Variants in PCDHB16 observed in about 807,000 individuals in gnomAD.
The protein encoded by PCDHB16 is protocadherin beta-16.
For synonymous variants in PCDHB16, 444 were observed against 436.5 expected (o/e 1.02, Z -0.21); for missense variants, 1,026 against 989.9 (o/e 1.04, Z -0.49).
rs782450382 is a variant in PCDHB16, at chr5:141,184,458, C to G, written c.1899C>G (p.Arg633=). Residue 633 remains arginine (R), a synonymous_variant, in exon 1 of 1, where the codon CGC becomes CGG. Transcript: ENST00000609684. ...GCACCGCCAGGCTGCTGAGCGAGCG[C>G]GACGCAGCCAAGCAGAGGCTGGTGG... ...EVRTARLLSE[R]DAAKQRLVVL... The G allele has an allele frequency of 1.9e-6, 3 of 1,607,792 alleles. No homozygotes were observed. The highest frequency in any genetic ancestry group is 2.2e-4 in the Middle Eastern group (1 of 4,516).
rs200413005 is a variant in PCDHB16, at chr5:141,184,390, G to A, written c.1831G>A (p.Glu611Lys). Residue 611 changes from glutamate to lysine, a missense_variant, in exon 1 of 1, where the codon GAG becomes AAG. Transcript: ENST00000609684. ...WLSYQLLKAT[E>K]PGLFGVWAHN... ...GTCGTACCAGCTGCTCAAGGCCACG[G>A]AGCCCGGGCTGTTCGGTGTGTGGGC... The A allele has an allele frequency of 2.1e-4, 337 of 1,605,894 alleles. 2 individuals are homozygous for A. The highest frequency in any genetic ancestry group is 2.7e-4 in the Non-Finnish European group (315 of 1,179,422).
rs782420698 is a variant in PCDHB16 at position 141,184,925 on chromosome 5, T to G, written c.*35T>G. Reference sequence around the variant, plus strand: ...AAAGAAATAGATTAAAATTCCACCCTTCACAATAGCTTTGGATTTAATTAT... The same window carrying G: ...AAAGAAATAGATTAAAATTCCACCCGTCACAATAGCTTTGGATTTAATTAT... On this transcript the variant is annotated 3_prime_UTR_variant, in exon 1 of 1. Coordinates refer to ENST00000609684, the MANE Select transcript of PCDHB16 (RefSeq NM_020957.4). The G allele has an allele frequency of 6.3e-7, 1 of 1,598,804 alleles. No homozygotes were observed. The highest frequency in any genetic ancestry group is 1.8e-5 in the Admixed American group (1 of 56,994).
At position 141,183,778 on chromosome 5, in the gene PCDHB16, A is replaced by C. The variant is rs1554282217; in HGVS notation, c.1219A>C (p.Arg407=). The change falls in exon 1 of 1, where the codon AGA becomes CGA. Residue 407 remains arginine (R), a synonymous_variant. Coordinates refer to ENST00000609684, the MANE Select transcript of PCDHB16 (RefSeq NM_020957.4). ...VKNFYTLVTE[R]ALDREARAEY... is the part of the protein sequence containing the mutation. ...GAACTTTTACACCTTGGTAACGGAG[A>C]GAGCACTCGACAGAGAAGCAAGAGC... The C allele has an allele frequency of 1.2e-6, 2 of 1,614,052 alleles. No individual in the cohort carries two copies. Among genetic ancestry groups the C allele is most frequent in the South Asian group, 1.1e-5 (1 of 91,088 alleles).
Position 141,184,625 on chromosome 5 carries a change from A to T in PCDHB16, c.2066A>T (p.Tyr689Phe), listed in dbSNP as rs781825638. ...GQTQANSLTV[Y>F]LVVALASVSS... ...ACCCAGGCCAACTCGCTCACTGTCT[A>T]CCTGGTGGTGGCGTTGGCCTCGGTG... Residue 689 changes from tyrosine to phenylalanine, a missense_variant, in exon 1 of 1, where the codon TAC becomes TTC. Tyr to Phe is a conservative substitution (Grantham distance 22, BLOSUM62 3). Coordinates refer to ENST00000609684, the MANE Select transcript of PCDHB16 (RefSeq NM_020957.4). 20 of 1,612,100 alleles carry T rather than the reference A, an allele frequency of 1.2e-5. No homozygotes were observed. Among genetic ancestry groups the T allele is most frequent in the Middle Eastern group, 1.8e-4 (1 of 5,620 alleles).
chr5:141,183,191 C>A lies in PCDHB16; in HGVS notation c.632C>A (p.Thr211Asn), dbSNP rs782179690. Reference sequence around the variant, plus strand: ...GAGGAGGAGCCTCAACTAAGATTAACCCTGACAGCGCTGGATGGTGGCTCT... The same window carrying A: ...GAGGAGGAGCCTCAACTAAGATTAAACCTGACAGCGCTGGATGGTGGCTCT... ...DREEEPQLRLTLTALDGGSPP... is the reference protein window; with the variant it reads ...DREEEPQLRLNLTALDGGSPP... The change falls in exon 1 of 1, where the codon ACC becomes AAC. Residue 211 changes from threonine to asparagine, a missense_variant. Thr to Asn is a moderately conservative substitution (Grantham distance 65). Coordinates refer to ENST00000609684, the MANE Select transcript of PCDHB16 (RefSeq NM_020957.4). 8.1e-6 allele frequency: 13 copies of A among 1,614,044 alleles called. No homozygotes were observed. Among genetic ancestry groups the A allele is most frequent in the Non-Finnish European group, 1.0e-5 (12 of 1,180,040 alleles).
chr5:141,184,488 G>C lies in PCDHB16; in HGVS notation c.1929G>C (p.Leu643=), dbSNP rs782104482. ...CAGCCAAGCAGAGGCTGGTGGTGCT[G>C]GTCAAGGACAATGGCGAGCCTCCGC... is the stretch of plus-strand genomic sequence containing the variant. ...RDAAKQRLVV[L]VKDNGEPPRS... is the part of the protein sequence containing the mutation. The change falls in exon 1 of 1, where the codon CTG becomes CTC. Residue 643 remains leucine, a synonymous_variant. Transcript: ENST00000609684. 6.2e-7 allele frequency: 1 copy of C among 1,607,782 alleles called. No individual in the cohort carries two copies. The highest frequency in any genetic ancestry group is 1.3e-5 in the African/African-American group (1 of 74,856).
At position 141,184,930 on chromosome 5, in the gene PCDHB16, A is replaced by G; in HGVS notation, c.*40A>G. 1 of 1,593,778 alleles carries G rather than the reference A, an allele frequency of 6.3e-7. No homozygotes were observed. Reference sequence around the variant, plus strand: ...AATAGATTAAAATTCCACCCTTCACAATAGCTTTGGATTTAATTATTGATA... The same window carrying G: ...AATAGATTAAAATTCCACCCTTCACGATAGCTTTGGATTTAATTATTGATA... On this transcript the variant is annotated 3_prime_UTR_variant, in exon 1 of 1. Coordinates refer to ENST00000609684, the MANE Select transcript of PCDHB16 (RefSeq NM_020957.4).
rs114723627 is a variant in PCDHB16 at position 141,185,362 on chromosome 5, T to G, written c.*472T>G. On this transcript the variant is annotated 3_prime_UTR_variant, in exon 1 of 1. Coordinates refer to ENST00000609684, the MANE Select transcript of PCDHB16 (RefSeq NM_020957.4). ...GTATTTTTGTTGGGCTCAATTTTCA[T>G]TATAATACTTTTCTTAAAGTTTCTT... The G allele has an allele frequency of 2.1e-3, 1,690 of 815,298 alleles. 26 individuals carry two copies. In the African/African-American group the frequency reaches 0.03, roughly 14 times the overall value. 50.5% of individuals were successfully genotyped at this position (815,298 alleles called of 1,614,324 possible). A position where few individuals can be genotyped will look rare whatever the true frequency, so the allele number is the denominator to read the frequency against.
rs1006799660 is a variant in PCDHB16 at position 141,185,640 on chromosome 5, C to T, written c.*750C>T. Reference sequence around the variant, plus strand: ...CTGATCTTGAACTCCTGGGCTCAAGCCATCCTCCCTCCTCAGCCTCCCAAA... The same window carrying T: ...CTGATCTTGAACTCCTGGGCTCAAGTCATCCTCCCTCCTCAGCCTCCCAAA... On this transcript the variant is annotated 3_prime_UTR_variant, in exon 1 of 1. Coordinates refer to ENST00000609684, the MANE Select transcript of PCDHB16 (RefSeq NM_020957.4). 3.9e-6 allele frequency: 3 copies of T among 764,596 alleles called. No individual in the cohort carries two copies. Among genetic ancestry groups the T allele is most frequent in the Non-Finnish European group, 4.8e-6 (3 of 619,930 alleles). 47.4% of individuals were successfully genotyped at this position (764,596 alleles called of 1,614,324 possible).
rs1410910849 is a variant in PCDHB16, at chr5:141,185,932, A to G, written c.*1042A>G. 6 of 951,128 alleles carry G rather than the reference A, an allele frequency of 6.3e-6. No homozygotes were observed. The highest frequency in any genetic ancestry group is 7.6e-6 in the Non-Finnish European group (6 of 785,376). 58.9% of individuals were successfully genotyped at this position (951,128 alleles called of 1,614,324 possible). On this transcript the variant is annotated 3_prime_UTR_variant, in exon 1 of 1. Transcript: ENST00000609684. ...TTTGTAGACAAAAGGCAAAGGTATT[A>G]TGTAAAAATATTTAATAATTTATTC...
chr5:141,182,787 G>A lies in PCDHB16; in HGVS notation c.228G>A (p.Gln76=), dbSNP rs1223931518. The A allele has an allele frequency of 3.7e-6, 6 of 1,614,110 alleles. No homozygotes were observed. Among genetic ancestry groups the A allele is most frequent in the Non-Finnish European group, 5.1e-6 (6 of 1,180,000 alleles). Residue 76 remains glutamine (Q), a synonymous_variant, in exon 1 of 1, where the codon CAG becomes CAA. Transcript: ENST00000609684. Reference sequence around the variant, plus strand: ...CCCAGGGGAACAAACAGCATTTGCAGCTCAAGGCTCAAACTGGGGATTTGC... The same window carrying A: ...CCCAGGGGAACAAACAGCATTTGCAACTCAAGGCTCAAACTGGGGATTTGC... The part of the protein sequence containing the change: ...IISQGNKQHL[Q]LKAQTGDLLI...
In PCDHB16 at chr5:141,183,863, A is replaced by G. The variant is rs1563935522; in HGVS notation, c.1304A>G (p.His435Arg). 6.2e-7 allele frequency: 1 copy of G among 1,614,212 alleles called. No homozygotes were observed. Residue 435 changes from histidine (H) to arginine (R), a missense_variant, in exon 1 of 1, where the codon CAC becomes CGC. Coordinates refer to ENST00000609684, the MANE Select transcript of PCDHB16 (RefSeq NM_020957.4). ...DMGTPRLKTEHNITVQISDVN... is the reference protein window; with the variant it reads ...DMGTPRLKTERNITVQISDVN... ...GGGACTCCAAGGCTGAAAACGGAGCACAACATAACAGTGCAGATATCAGAT... is the reference window on the plus strand; with the variant it reads ...GGGACTCCAAGGCTGAAAACGGAGCGCAACATAACAGTGCAGATATCAGAT...
chr5:141,183,956 C>T lies in PCDHB16; in HGVS notation c.1397C>T (p.Pro466Leu). ...CTGTTCGTCCGCGAGAACAACAGCCCCGCCCTGCACATCGGCAGCGTCAGC... is the reference window on the plus strand; with the variant it reads ...CTGTTCGTCCGCGAGAACAACAGCCTCGCCCTGCACATCGGCAGCGTCAGC... The part of the protein sequence containing the change: ...YTLFVRENNS[P>L]ALHIGSVSAT... Residue 466 changes from proline to leucine, a missense_variant, in exon 1 of 1, where the codon CCC becomes CTC. By Grantham distance (98) the Pro-to-Leu change is moderately conservative. Transcript: ENST00000609684. 6.2e-7 allele frequency: 1 copy of T among 1,613,552 alleles called. No individual in the cohort carries two copies. The highest frequency in any genetic ancestry group is 1.1e-5 in the South Asian group (1 of 91,036).
At position 141,182,944 on chromosome 5, in the gene PCDHB16, C is replaced by A. The variant is rs1753603090; in HGVS notation, c.385C>A (p.His129Asn). Residue 129 changes from histidine (H) to asparagine (N), a missense_variant, in exon 1 of 1, where the codon CAT (histidine) becomes AAT (asparagine). His to Asn is a moderately conservative substitution (Grantham distance 68). Transcript: ENST00000609684. ...AELRVIDIND[H>N]SPMFTEKEMI... ...ACTGAGGGTGATAGATATAAATGAC[C>A]ATTCTCCCATGTTCACTGAAAAGGA... 4 of 1,614,112 alleles carry A rather than the reference C, an allele frequency of 2.5e-6. No homozygotes were observed. In the East Asian group the frequency reaches 8.9e-5, roughly 36 times the overall value.
Position 141,182,447 on chromosome 5 carries a change from T to G in PCDHB16, c.-113T>G, listed in dbSNP as rs368810356. The G allele has an allele frequency of 1.1e-6, 1 of 904,392 alleles. No individual in the cohort carries two copies. Among genetic ancestry groups the G allele is most frequent in the Admixed American group, 2.7e-5 (1 of 37,366 alleles). 56.0% of individuals were successfully genotyped at this position (904,392 alleles called of 1,614,324 possible). On this transcript the variant is annotated 5_prime_UTR_variant, in exon 1 of 1. Coordinates refer to ENST00000609684, the MANE Select transcript of PCDHB16 (RefSeq NM_020957.4). ...CCAGAGCGAACGTGAGTGTGAAACC[T>G]CTTTAAGACACCGTTGGGCTGCTTG...
Position 141,183,633 on chromosome 5 carries a change from G to A in PCDHB16, c.1074G>A (p.Glu358=), listed in dbSNP as rs782085676. The change falls in exon 1 of 1, where the codon GAG becomes GAA. Residue 358 remains glutamate (E), a synonymous_variant. Coordinates refer to ENST00000609684, the MANE Select transcript of PCDHB16 (RefSeq NM_020957.4). ...CTGCACTCACCAGCCCCATCCCAGA[G>A]AACTCGCCTGAGATAGTAGTTGCTG... is the stretch of plus-strand genomic sequence containing the variant. ...TMSALTSPIP[E]NSPEIVVAVF... is the part of the protein sequence containing the mutation. The A allele has an allele frequency of 5.5e-5, 88 of 1,614,034 alleles. 1 individual carries two copies. The highest frequency in any genetic ancestry group is 7.3e-5 in the Non-Finnish European group (86 of 1,180,042).
rs139379718 is a variant in PCDHB16, at chr5:141,183,200, C to T, written c.641C>T (p.Ala214Val). The T allele has an allele frequency of 3.1e-3, 5,063 of 1,614,112 alleles. 28 individuals are homozygous for T. Among genetic ancestry groups the T allele is most frequent in the Non-Finnish European group, 3.7e-3 (4,313 of 1,180,032 alleles). Residue 214 changes from alanine (A) to valine (V), a missense_variant, in exon 1 of 1, where the codon GCG becomes GTG. By Grantham distance (64) the Ala-to-Val change is moderately conservative. Transcript: ENST00000609684. The part of the protein sequence containing the change: ...EEPQLRLTLT[A>V]LDGGSPPRSG... ...CCTCAACTAAGATTAACCCTGACAG[C>T]GCTGGATGGTGGCTCTCCACCGCGA...
Position 141,183,011 on chromosome 5 carries a change from A to G in PCDHB16, c.452A>G (p.Glu151Gly). Reference sequence around the variant, plus strand: ...CCGGAAAACAGTCCTCTAGGAACTGAGTTCCCTCTGAATCATGCTTTGGAC... The same window carrying G: ...CCGGAAAACAGTCCTCTAGGAACTGGGTTCCCTCTGAATCATGCTTTGGAC... ...KIPENSPLGT[E>G]FPLNHALDLD... The change falls in exon 1 of 1, where the codon GAG becomes GGG. Residue 151 changes from glutamate (E) to glycine (G), a missense_variant. Glu to Gly is a moderately conservative substitution (Grantham distance 98). Transcript: ENST00000609684. The G allele has an allele frequency of 6.2e-7, 1 of 1,614,236 alleles. No individual in the cohort carries two copies. The highest frequency in any genetic ancestry group is 1.1e-5 in the South Asian group (1 of 91,086).
rs782704048 is a variant in PCDHB16 at position 141,183,586 on chromosome 5, A to G, written c.1027A>G (p.Asn343Asp). The part of the protein sequence containing the change: ...LLLQVVDVND[N>D]PPQVTMSALT... ...CCTGCAGGTGGTGGACGTGAATGAC[A>G]ATCCCCCACAGGTGACCATGTCTGC... The change falls in exon 1 of 1, where the codon AAT (asparagine) becomes GAT (aspartate). Residue 343 changes from asparagine to aspartate, a missense_variant. By Grantham distance (23) the Asn-to-Asp change is conservative. Coordinates refer to ENST00000609684, the MANE Select transcript of PCDHB16 (RefSeq NM_020957.4). 3.1e-6 allele frequency: 5 copies of G among 1,614,114 alleles called. No individual in the cohort carries two copies. The highest frequency in any genetic ancestry group is 3.3e-4 in the Middle Eastern group (2 of 6,062).
Sources: allele counts gnomAD v4.1 joint callset, GRCh38; gene constraint gnomAD v4.1.1; transcripts MANE v1.5; gene names NCBI Gene and HGNC (gene_info 2026-07-23, HGNC 2026-07-21).